TMEM114: variants seen among roughly 807,000 people sequenced by gnomAD.
TMEM114 encodes transmembrane protein 114, also known as claudin-26.
Under a neutral mutation model 6.2 loss-of-function variants are expected in TMEM114, and 6 were observed. The observed-to-expected ratio is 0.97, with a 90% CI of 0.53 to 1.91. The LOEUF is 1.91. Ranked by LOEUF, TMEM114 falls within the 40% of genes most tolerant of loss-of-function variation. The pLI is 0.01. For missense variants in TMEM114, 218 were observed against 158.3 expected (o/e 1.38, Z -2.02); for synonymous variants, 104 against 73.0 (o/e 1.42, Z -2.16).
At chr16:8,555,693 A>G (rs192367004) in intron 2 of TMEM114, among the ~76,000 whole-genome samples, 3 of 152,228 alleles carry the variant, frequency 2.0e-5, no homozygotes, top group African/African-American at 7.2e-5. Context: ...GTAATTCTCA[A>G]CCAGGACAAT....
intron 2 of TMEM114, among the ~76,000 whole-genome samples, chr16:8,575,014 A>G (rs1165820969): frequency 1.3e-5 from 2 of 152,210 alleles, no homozygotes; most frequent in African/African-American, 2.4e-5. Flanking sequence ...CGCTAGCCAC[A>G]TCTCTGAATG....
downstream of TMEM114, among the ~76,000 whole-genome samples, chr16:8,566,065 G>A (rs1567204730): frequency 6.6e-6 from 1 of 152,118 alleles, no homozygotes. Flanking sequence ...AATACGGCAG[G>A]ACAGATCGAA....
chr16:8,570,301 T>G (rs2141682700), intron 3 of TMEM114, among the ~76,000 whole-genome samples: 1 of 144,662 alleles, frequency 6.9e-6, no homozygotes, highest in Middle Eastern at 3.5e-3. Flanking sequence ...AGGTCACAAT[T>G]GCAACTTTGC....
chr16:8,536,430 G>T (rs1338258040), downstream of TMEM114, among the ~76,000 whole-genome samples: 1 of 152,102 alleles, frequency 6.6e-6, no homozygotes, highest in East Asian at 1.9e-4. Context: ...TCTCTAAAAT[G>T]AGAAGGTTGA....
downstream of TMEM114, among the ~76,000 whole-genome samples, chr16:8,564,637 ATGAG>A (rs1272328027): frequency 9.9e-6 from 1 of 101,072 alleles, no homozygotes; most frequent in Non-Finnish European, 2.0e-5. Context: ...GAGTGAGTGA[ATGAG>A]TGAGTAAATG....
At chr16:8,549,695 G>C (rs948690487) in intron 2 of TMEM114, among the ~76,000 whole-genome samples, 1 of 151,994 alleles carries the variant, frequency 6.6e-6, no homozygotes, top group Non-Finnish European at 1.5e-5. Context: ...TTTGTATGCG[G>C]GGTTCTGTGT....
intron 2 of TMEM114, among the ~76,000 whole-genome samples, chr16:8,556,804 G>A (rs758539544): frequency 6.6e-6 from 1 of 152,152 alleles, no homozygotes; most frequent in Non-Finnish European, 1.5e-5. Context: ...CGCCTGACCC[G>A]TGTGCACTTT....
chr16:8,547,150 A>G (rs1181635326), intron 2 of TMEM114, among the ~76,000 whole-genome samples: 2 of 152,134 alleles, frequency 1.3e-5, no homozygotes, highest in African/African-American at 4.8e-5. Flanking sequence ...GGCTGGGGGA[A>G]AAGGGGGGTC....
Position 8,559,266 on chromosome 16 carries a change from C to T in TMEM114, n.213-21440G>A, listed in dbSNP as rs144378680. Among the ~76,000 whole-genome samples, 977 of 152,024 alleles carry T rather than the reference C, an allele frequency of 6.4e-3. 10 individuals carry two copies. Among genetic ancestry groups the T allele is most frequent in the African/African-American group, 0.022 (931 of 41,442 alleles). The stretch of plus-strand genomic sequence containing the variant: ...CCGTGTTGGCCAGGCTGGTCTCCAA[C>T]TCATAACCTCAAGTGATCCGCCCAC... On this transcript the variant is annotated intron_variant and non_coding_transcript_variant, in intron 2 of 2. Transcript: ENST00000623677.
intron 2 of TMEM114, among the ~76,000 whole-genome samples, chr16:8,577,355 A>T (rs1180159611): frequency 6.6e-6 from 1 of 152,166 alleles, no homozygotes; most frequent in African/African-American, 2.4e-5. Flanking sequence ...TGAACCTTGG[A>T]TTTCCACCTC....
chr16:8,550,692 A>G (rs909566545), intron 2 of TMEM114, among the ~76,000 whole-genome samples: 2 of 66,368 alleles, frequency 3.0e-5, no homozygotes, highest in African/African-American at 1.8e-4. Context: ...AAACAAAAAA[A>G]AAAAAACCAA....
chr16:8,543,927 C>T (rs1900587707), intron 2 of TMEM114, among the ~76,000 whole-genome samples: 1 of 152,158 alleles, frequency 6.6e-6, no homozygotes, highest in Non-Finnish European at 1.5e-5. Flanking sequence ...TGTAAAAAAC[C>T]ATGCATCTCT....
At chr16:8,573,816 A>C (rs933894512) in intron 2 of TMEM114, among the ~76,000 whole-genome samples, 1 of 152,180 alleles carries the variant, frequency 6.6e-6, no homozygotes, top group African/African-American at 2.4e-5. Context: ...AGGGACAGGC[A>C]TTTATTACCT....
chr16:8,534,215 G>A (rs1900291883), downstream of TMEM114, among the ~76,000 whole-genome samples: 2 of 152,222 alleles, frequency 1.3e-5, no homozygotes, highest in South Asian at 4.1e-4. Context: ...CTGGGGTAAG[G>A]ATGTGCCGGA....
intron 2 of TMEM114, among the ~76,000 whole-genome samples, chr16:8,579,285 G>A (rs1236561454): frequency 2.0e-5 from 3 of 152,090 alleles, no homozygotes; most frequent in Admixed American, 2.0e-4. Flanking sequence ...CTTACCCCAG[G>A]AACATCAAAA....
At chr16:8,561,889 T>TGAGG (rs1281412007) in intron 2 of TMEM114, among the ~76,000 whole-genome samples, 1 of 140,962 alleles carries the variant, frequency 7.1e-6, no homozygotes, top group African/African-American at 2.5e-5. Flanking sequence ...AATGAGTGAG[T>TGAGG]GAATGAGTAA....
intron 3 of TMEM114, among the ~76,000 whole-genome samples, chr16:8,571,827 G>T (rs1290344676): frequency 6.6e-6 from 1 of 152,164 alleles, no homozygotes; most frequent in Non-Finnish European, 1.5e-5. Context: ...TTTGGGCAAA[G>T]GTAATACATG....
At chr16:8,539,553 C>T (rs1039693393) in intron 2 of TMEM114, among the ~76,000 whole-genome samples, 8 of 152,132 alleles carry the variant, frequency 5.3e-5, no homozygotes, top group African/African-American at 1.4e-4. Flanking sequence ...CTCCAATTCC[C>T]TTATCCAAGG....
chr16:8,577,548 CA>C (rs1901982631), intron 2 of TMEM114, among the ~76,000 whole-genome samples: 2 of 151,858 alleles, frequency 1.3e-5, no homozygotes, highest in South Asian at 4.2e-4. Flanking sequence ...TCCTGATTGG[CA>C]ATGTTTTCTT....
Sources: gnomAD v4.1 joint callset for allele counts (sites outside exome capture counted in the v4.1 genomes callset) on GRCh38, gnomAD v4.1.1 for gene constraint, MANE v1.5 for transcripts, NCBI Gene and HGNC (gene_info 2026-07-23, HGNC 2026-07-21) for gene names.